Variants in TLK2 observed in about 807,000 individuals in gnomAD.
The protein encoded by TLK2 is tousled like kinase 2, also known as serine/threonine-protein kinase tousled-like 2.
A neutral mutation model predicts 117.3 loss-of-function variants in TLK2; 6 were observed. The observed-to-expected ratio is 0.05, with a 90% CI of 0.03 to 0.10. TLK2 has a LOEUF of 0.10. TLK2 is among the 10% of genes least tolerant of loss of function. The probability of loss-of-function intolerance (pLI) is 1.00; values close to 1 mark genes in which losing one functional copy is unlikely to be tolerated. For missense variants in TLK2, 299 were observed against 901.2 expected, an observed-to-expected ratio of 0.33 and a Z score of 8.56; for synonymous variants, 257 against 316.7, an observed-to-expected ratio of 0.81 and a Z score of 2.00.
At chr17:62,563,780 T>G (rs531430418) in intron 10 of TLK2, among the ~76,000 whole-genome samples, 99 of 152,326 alleles carry the variant, frequency 6.5e-4, no homozygotes, top group Middle Eastern at 3.4e-3. Context: ...TCATGACGTA[T>G]AATTGGTTTT....
upstream of TLK2, chr17:62,478,027 G>A (rs1260720585): frequency 1.3e-5 from 2 of 152,090 alleles, no homozygotes; most frequent in Non-Finnish European, 2.9e-5. Flanking sequence ...CGGGGGCGGG[G>A]GCTCGGCTTT....
intron 16 of TLK2, among the ~76,000 whole-genome samples, chr17:62,595,217 G>T (rs941345564): frequency 2.0e-4 from 30 of 151,816 alleles, no homozygotes; most frequent in African/African-American, 6.5e-4. Context: ...GCGACCTCAG[G>T]TGATCCACCC....
chr17:62,579,096 T>TA (rs2081028758), intron 14 of TLK2, among the ~76,000 whole-genome samples: 1 of 152,232 alleles, frequency 6.6e-6, no homozygotes, highest in Admixed American at 6.5e-5. Context: ...TTTTTATAAG[T>TA]AATCTGTTTT....
chr17:62,534,410 T>G (rs2076970868), intron 6 of TLK2, among the ~76,000 whole-genome samples: 1 of 152,220 alleles, frequency 6.6e-6, no homozygotes, highest in Non-Finnish European at 1.5e-5. Context: ...TCTGTGAAGC[T>G]GTATAGTTTT....
chr17:62,506,405 G>C (rs9890649), intron 2 of TLK2, among the ~76,000 whole-genome samples: 1 of 152,170 alleles, frequency 6.6e-6, no homozygotes, highest in African/African-American at 2.4e-5. Flanking sequence ...GTTAACGCTT[G>C]TGCCACAGTC....
chr17:62,528,856 CTATG>C (rs894336653), intron 6 of TLK2, among the ~76,000 whole-genome samples: 1 of 152,188 alleles, frequency 6.6e-6, no homozygotes, highest in Non-Finnish European at 1.5e-5. Context: ...AAAGTTAACT[CTATG>C]TAATTGTTAC....
chr17:62,600,590 T>G, intron 17 of TLK2, 61 bp from the exon 18 acceptor site: 1 of 1,433,680 alleles, frequency 7.0e-7, no homozygotes, highest in Non-Finnish European at 9.3e-7. Flanking sequence ...GGGACTAATT[T>G]AGGTAGTGTT....
At chr17:62,556,602 G>A (rs1418610122) in intron 9 of TLK2, among the ~76,000 whole-genome samples, 1 of 152,120 alleles carries the variant, frequency 6.6e-6, no homozygotes, top group Admixed American at 6.6e-5. Flanking sequence ...TTCTCCTTCA[G>A]TTTTTCAAGC....
intron 2 of TLK2, among the ~76,000 whole-genome samples, chr17:62,493,849 C>A (rs1598187060): frequency 6.6e-6 from 1 of 152,066 alleles, no homozygotes; most frequent in South Asian, 2.1e-4. Flanking sequence ...CCTCCGCCTC[C>A]TGGGTTCAAG....
intron 2 of TLK2, among the ~76,000 whole-genome samples, chr17:62,513,276 TAA>T (rs1277957029): frequency 1.3e-5 from 2 of 151,612 alleles, no homozygotes; most frequent in African/African-American, 4.8e-5. Context: ...AGCATTTATT[TAA>T]AAGTCTCTTT....
At chr17:62,484,852 C>T (rs903945677) in intron 2 of TLK2, among the ~76,000 whole-genome samples, 2 of 151,854 alleles carry the variant, frequency 1.3e-5, no homozygotes, top group African/African-American at 4.8e-5. Context: ...GTCAGGAGAT[C>T]GAGACCATCC....
upstream of TLK2, among the ~76,000 whole-genome samples, chr17:62,475,592 G>T (rs1185266808): frequency 1.3e-5 from 2 of 151,764 alleles, no homozygotes; most frequent in Non-Finnish European, 2.9e-5. Context: ...TGATCCACCC[G>T]CCTTGGCCTC....
At chr17:62,588,086 T>C (rs1044149481) in intron 16 of TLK2, among the ~76,000 whole-genome samples, 1 of 143,522 alleles carries the variant, frequency 7.0e-6, no homozygotes, top group Non-Finnish European at 1.5e-5. Context: ...GTATAAAATA[T>C]ACGTATACAT....
intron 6 of TLK2, among the ~76,000 whole-genome samples, chr17:62,528,833 A>C (rs999936775): frequency 5.9e-5 from 9 of 152,332 alleles, no homozygotes; most frequent in African/African-American, 1.9e-4. Flanking sequence ...AAAAGCTCTC[A>C]GAAAATCACT....
At chr17:62,603,204 G>A (rs754930251) in intron 19 of TLK2, among the ~76,000 whole-genome samples, 4 of 152,188 alleles carry the variant, frequency 2.6e-5, no homozygotes, top group South Asian at 2.1e-4. Context: ...GGGGCATGGC[G>A]TTCACAACAC....
intron 2 of TLK2, among the ~76,000 whole-genome samples, chr17:62,487,248 T>G (rs1229042253): frequency 6.7e-6 from 1 of 149,156 alleles, no homozygotes; most frequent in Non-Finnish European, 1.5e-5. Context: ...GCCGAGATCA[T>G]GCCACTGCAC....
chr17:62,523,027 T>C (rs2076144753), intron 4 of TLK2, 107 bp from the exon 5 acceptor site: 3 of 1,170,616 alleles, frequency 2.6e-6, no homozygotes, highest in Non-Finnish European at 2.3e-6. Context: ...AAGCTGACAC[T>C]TGGGTTTATA....
At chr17:62,523,426 A>G (rs1294976363) in intron 5 of TLK2, among the ~76,000 whole-genome samples, 1 of 152,168 alleles carries the variant, frequency 6.6e-6, no homozygotes, top group Non-Finnish European at 1.5e-5. Context: ...AAAAAACAGA[A>G]AAAATTAGCC....
At chr17:62,531,714 T>C (rs1270621261) in intron 6 of TLK2, among the ~76,000 whole-genome samples, 1 of 152,216 alleles carries the variant, frequency 6.6e-6, no homozygotes, top group East Asian at 1.9e-4. Flanking sequence ...TTTACCTCTT[T>C]TATATACCAC....
Sources: allele counts gnomAD v4.1 joint callset (sites outside exome capture counted in the v4.1 genomes callset), GRCh38; gene constraint gnomAD v4.1.1; transcripts MANE v1.5; gene names NCBI Gene and HGNC (gene_info 2026-07-23, HGNC 2026-07-21).